The following ADAMTSL1 variants were observed in gnomAD, a reference collection of about 807,000 sequenced individuals.
ADAMTSL1 encodes ADAMTS-like protein 1.
ADAMTSL1 carries 126 observed loss-of-function variants against 201.8 expected under a neutral mutation model. That is an observed-to-expected ratio of 0.62 (90% CI 0.54 to 0.72). ADAMTSL1 has a LOEUF of 0.72. Among genes scored for constraint, ADAMTSL1 ranks in the 30% least tolerant of loss-of-function variants. The pLI is 0.00. For missense variants in ADAMTSL1, 2,679 were observed against 2,277.8 expected (o/e 1.18, Z -3.59); for synonymous variants, 1,121 against 903.4 (o/e 1.24, Z -4.32).
intron 2 of ADAMTSL1, among the ~76,000 whole-genome samples, chr9:18,463,615 G>C (rs967830031): frequency 1.3e-5 from 2 of 151,978 alleles, no homozygotes; most frequent in Non-Finnish European, 2.9e-5. Flanking sequence ...ACTACTCTAG[G>C]TACCTCAAAT....
intron 2 of ADAMTSL1, among the ~76,000 whole-genome samples, chr9:18,186,136 G>A (rs980452413): frequency 7.9e-5 from 12 of 152,266 alleles, no homozygotes; most frequent in Admixed American, 3.3e-4. Flanking sequence ...TGCTTCCAAG[G>A]AGAAAATATT....
intron 2 of ADAMTSL1, among the ~76,000 whole-genome samples, chr9:18,217,666 TG>T (rs1830101390): frequency 6.6e-6 from 1 of 152,204 alleles, no homozygotes; most frequent in African/African-American, 2.4e-5. Flanking sequence ...CTTGCCTTCT[TG>T]CCTAATTATC....
At chr9:18,137,251 A>G (rs1296022649) in intron 1 of ADAMTSL1, among the ~76,000 whole-genome samples, 1 of 152,202 alleles carries the variant, frequency 6.6e-6, no homozygotes, top group Non-Finnish European at 1.5e-5. Flanking sequence ...TTCATTTTAA[A>G]TAGAAAATAA....
chr9:18,888,025 G>T lies in ADAMTSL1; in HGVS notation c.4444G>T (p.Ala1482Ser). The T allele has an allele frequency of 6.2e-7, 1 of 1,613,198 alleles. No homozygotes were observed. Among genetic ancestry groups the T allele is most frequent in the South Asian group, 1.1e-5 (1 of 91,040 alleles). ...QNEAGVLMQKASLVIQDYWWS... is the reference protein window; with the variant it reads ...QNEAGVLMQKSSLVIQDYWWS... ...TGAGGCAGGGGTGCTCATGCAGAAGGCATCTTTAGTGATCCAAGGTAAGAA... is the reference window on the plus strand; with the variant it reads ...TGAGGCAGGGGTGCTCATGCAGAAGTCATCTTTAGTGATCCAAGGTAAGAA... Residue 1482 changes from alanine to serine, a missense_variant, in exon 24 of 29, where the codon GCA becomes TCA. Transcript: ENST00000380548.
At chr9:18,144,397 G>C (rs980126833) in intron 1 of ADAMTSL1, among the ~76,000 whole-genome samples, 1 of 151,856 alleles carries the variant, frequency 6.6e-6, no homozygotes, top group Admixed American at 6.6e-5. Context: ...GTAGAGACAG[G>C]GTTTCACCTT....
At chr9:18,032,303 A>T (rs1820993580) in intron 1 of ADAMTSL1, among the ~76,000 whole-genome samples, 1 of 151,886 alleles carries the variant, frequency 6.6e-6, no homozygotes. Flanking sequence ...TTAGCTCAAT[A>T]CCCCTCAGGG....
intron 3 of ADAMTSL1, among the ~76,000 whole-genome samples, chr9:18,560,999 A>G (rs995741970): frequency 7.5e-5 from 11 of 147,376 alleles, no homozygotes; most frequent in East Asian, 3.9e-4. Context: ...TTATGTCTCT[A>G]TCTCCTTCAG....
chr9:18,126,601 G>A (rs1420192992), intron 1 of ADAMTSL1, among the ~76,000 whole-genome samples: 1 of 152,138 alleles, frequency 6.6e-6, no homozygotes, highest in Non-Finnish European at 1.5e-5. Flanking sequence ...ATCAGCTGAT[G>A]TCATTTGGAG....
At chr9:18,061,895 A>G (rs926786365) in intron 1 of ADAMTSL1, among the ~76,000 whole-genome samples, 4 of 152,218 alleles carry the variant, frequency 2.6e-5, no homozygotes, top group South Asian at 2.1e-4. Context: ...TCAATTTTCA[A>G]TAGCAAAATG....
At chr9:18,182,619 C>T (rs1563791781) in intron 2 of ADAMTSL1, among the ~76,000 whole-genome samples, 1 of 152,148 alleles carries the variant, frequency 6.6e-6, no homozygotes, top group South Asian at 2.1e-4. Context: ...TGCAGAGTGG[C>T]AGGTAGTGAT....
At chr9:18,062,450 A>C (rs1247003548) in intron 1 of ADAMTSL1, among the ~76,000 whole-genome samples, 1 of 152,184 alleles carries the variant, frequency 6.6e-6, no homozygotes. Context: ...ATAAAAATGC[A>C]TATGAGTGAA....
At chr9:18,118,748 C>T (rs1197926337) in intron 1 of ADAMTSL1, among the ~76,000 whole-genome samples, 1 of 152,186 alleles carries the variant, frequency 6.6e-6, no homozygotes, top group African/African-American at 2.4e-5. Context: ...GTCAGTTTGA[C>T]ACAGAGTAGA....
At chr9:18,296,620 A>G (rs995227014) in intron 2 of ADAMTSL1, among the ~76,000 whole-genome samples, 1 of 152,214 alleles carries the variant, frequency 6.6e-6, no homozygotes, top group East Asian at 1.9e-4. Flanking sequence ...TTTTCAAAAT[A>G]AAAAGAAAAA....
chr9:17,932,770 G>A (rs13300155), intron 1 of ADAMTSL1, among the ~76,000 whole-genome samples: 3,028 of 152,194 alleles, frequency 0.02, 51 homozygotes, highest in Non-Finnish European at 0.032. Flanking sequence ...TATTACAATA[G>A]ACTATTCTCC....
chr9:18,346,007 C>G (rs1039163482), intron 2 of ADAMTSL1, among the ~76,000 whole-genome samples: 3 of 152,144 alleles, frequency 2.0e-5, no homozygotes, highest in Admixed American at 6.5e-5. Flanking sequence ...TTTTGTGACT[C>G]TCTGGTCCTG....
intron 4 of ADAMTSL1, among the ~76,000 whole-genome samples, chr9:18,602,811 A>C (rs1824747944): frequency 6.6e-6 from 1 of 152,214 alleles, no homozygotes; most frequent in South Asian, 2.1e-4. Context: ...GTAGAAAGGT[A>C]TCTGACACAT....
At chr9:18,816,479 G>A (rs1018560795) in intron 20 of ADAMTSL1, among the ~76,000 whole-genome samples, 2 of 151,924 alleles carry the variant, frequency 1.3e-5, no homozygotes, top group South Asian at 2.1e-4. Context: ...TCAAGTGATC[G>A]ACCCACCTCA....
intron 23 of ADAMTSL1, among the ~76,000 whole-genome samples, chr9:18,860,317 T>C (rs1384516724): frequency 1.3e-5 from 2 of 152,224 alleles, no homozygotes; most frequent in African/African-American, 4.8e-5. Context: ...TCTCATACCC[T>C]CGACCAGGGG....
rs550970831 is a variant in ADAMTSL1 at position 18,635,963 on chromosome 9, A to G, written c.622A>G (p.Ile208Val). ...ATKSDDTVVA[I>V]PYGSRHIRLV... is the part of the protein sequence containing the mutation. ...TCTAGCGGATGATACTGTGGTTGCA[A>G]TTCCCTATGGAAGTAGACATATTCG... The change falls in exon 6 of 29, where the codon ATT (isoleucine) becomes GTT (valine). Residue 208 changes from isoleucine (I) to valine (V), a missense_variant. Ile to Val is a conservative substitution (Grantham distance 29). Coordinates refer to ENST00000380548, the MANE Select transcript of ADAMTSL1 (RefSeq NM_001040272.6). The G allele has an allele frequency of 8.7e-6, 14 of 1,602,310 alleles. No homozygotes were observed. Among genetic ancestry groups the G allele is most frequent in the Admixed American group, 3.6e-5 (2 of 56,042 alleles).
Sources: gnomAD v4.1 joint callset for allele counts (sites outside exome capture counted in the v4.1 genomes callset) on GRCh38, gnomAD v4.1.1 for gene constraint, MANE v1.5 for transcripts, NCBI Gene and HGNC (gene_info 2026-07-23, HGNC 2026-07-21) for gene names.